ZNF714: variants seen among roughly 807,000 people sequenced by gnomAD.
ZNF714 encodes the protein zinc finger protein 714.
In ZNF714, 32 loss-of-function variants were observed where a neutral mutation model predicts 46.2. The observed-to-expected ratio is 0.69, with a 90% CI of 0.52 to 0.93. The LOEUF (loss-of-function observed/expected upper bound fraction) is 0.93, where lower values mean the gene tolerates loss of function less well. Among genes scored for constraint, ZNF714 ranks in the 40% least tolerant of loss-of-function variants. The pLI, the probability that ZNF714 is intolerant of heterozygous loss-of-function variation, is 0.00. For synonymous variants in ZNF714, 199 were observed against 213.1 expected (o/e 0.93, Z 0.58); for missense variants, 635 against 646.3 (o/e 0.98, Z 0.19).
intron 2 of ZNF714, among the ~76,000 whole-genome samples, chr19:21,094,291 C>T (rs2144835067): frequency 6.6e-6 from 1 of 152,280 alleles, no homozygotes; most frequent in South Asian, 2.1e-4. Context: ...GAGCCCAGCC[C>T]ATGTCTTTGT....
Position 21,123,500 on chromosome 19 carries a change from G to A in ZNF714, c.*5168G>A, listed in dbSNP as rs762997261. 6.6e-6 allele frequency among the ~76,000 whole-genome samples: 1 copy of A among 151,796 alleles called. No individual in the cohort carries two copies. Among genetic ancestry groups the A allele is most frequent in the Non-Finnish European group, 1.5e-5 (1 of 67,994 alleles). ...CTCCCGAGTAGCTGGGACTACAGGC[G>A]CCCGCTACCGCACCCGTCTAATTTT... On this transcript the variant is annotated 3_prime_UTR_variant, in exon 5 of 5. Coordinates refer to ENST00000456283, the MANE Select transcript of ZNF714 (RefSeq NM_182515.4).
Position 21,082,233 on chromosome 19 carries a change from C to T in ZNF714, c.-292C>T, listed in dbSNP as rs549275557. 222 of 1,147,622 alleles carry T rather than the reference C, an allele frequency of 1.9e-4. 2 individuals are homozygous for T. The highest frequency in any genetic ancestry group is 1.3e-3 in the South Asian group (103 of 80,378). The allele number at this position is 1,147,622 out of a possible 1,614,324, so 71.1% of individuals were successfully genotyped here. On this transcript the variant is annotated 5_prime_UTR_variant, in exon 1 of 5. Transcript: ENST00000456283. Reference sequence around the variant, plus strand: ...TCGCTGCAGCTGGAGCTGCAGGTCTCGCCTTCACTGCCCTGTGTCCTCTGC... The same window carrying T: ...TCGCTGCAGCTGGAGCTGCAGGTCTTGCCTTCACTGCCCTGTGTCCTCTGC...
Position 21,119,145 on chromosome 19 carries a change from C to G in ZNF714, c.*813C>G, listed in dbSNP as rs2144884658. ...TTTGACCAGGCGTGGTGGCTCAGGC[C>G]TATAATCCCAGCACTTTGGTAGGCC... On this transcript the variant is annotated 3_prime_UTR_variant, in exon 5 of 5. Transcript: ENST00000456283. 1 of 450,038 alleles carries G rather than the reference C, an allele frequency of 2.2e-6. No individual in the cohort carries two copies. The highest frequency in any genetic ancestry group is 1.6e-5 in the South Asian group (1 of 63,976). 27.9% of individuals were successfully genotyped at this position (450,038 alleles called of 1,614,324 possible).
intron 4 of ZNF714, among the ~76,000 whole-genome samples, chr19:21,109,947 A>G (rs1176603208): frequency 3.3e-5 from 5 of 152,178 alleles, no homozygotes; most frequent in African/African-American, 1.2e-4. Flanking sequence ...ATGGCTGCAT[A>G]GTAGTCTATG....
At chr19:21,106,458 A>G (rs919937025) in intron 4 of ZNF714, among the ~76,000 whole-genome samples, 2 of 150,412 alleles carry the variant, frequency 1.3e-5, no homozygotes, top group Non-Finnish European at 2.9e-5. Flanking sequence ...AATCCCAGCT[A>G]CTCAGGAGGC....
At chr19:21,087,183 C>G (rs10164375) in intron 2 of ZNF714, among the ~76,000 whole-genome samples, 137,408 of 146,428 alleles carry the variant, frequency 0.94, 64,516 homozygotes, top group Middle Eastern at 0.98. Flanking sequence ...ATCAACACAA[C>G]TTGATTGTCT....
intron 1 of ZNF714, among the ~76,000 whole-genome samples, chr19:21,082,567 T>G (rs8101412): frequency 0.74 from 112,744 of 151,898 alleles, 43,497 homozygotes; most frequent in Middle Eastern, 0.88. Flanking sequence ...GCGCAGTGAC[T>G]GGGCCCTGAC....
At chr19:21,105,522 C>G (rs1166244551) in intron 4 of ZNF714, among the ~76,000 whole-genome samples, 2 of 151,118 alleles carry the variant, frequency 1.3e-5, no homozygotes, top group Non-Finnish European at 3.0e-5. Context: ...TCTGTTCTTT[C>G]CTTTGTTGCA....
intron 1 of ZNF714, among the ~76,000 whole-genome samples, chr19:21,082,681 C>A (rs7246416): frequency 0.063 from 6,551 of 103,658 alleles, 488 homozygotes; most frequent in African/African-American, 0.19. Context: ...ACTCGGGGTG[C>A]GGGTTTATGA....
At chr19:21,090,438 C>G (rs1234249375) in intron 2 of ZNF714, among the ~76,000 whole-genome samples, 2 of 152,154 alleles carry the variant, frequency 1.3e-5, no homozygotes, top group African/African-American at 4.8e-5. Context: ...TCACCCATAG[C>G]CATCAGCAAA....
chr19:21,100,222 T>G (rs1290778458), intron 4 of ZNF714, among the ~76,000 whole-genome samples: 1 of 152,132 alleles, frequency 6.6e-6, no homozygotes, highest in Non-Finnish European at 1.5e-5. Flanking sequence ...ATATATTTCA[T>G]TGTAAAGATT....
chr19:21,083,981 G>C lies in ZNF714; in HGVS notation c.-173G>C. 1 of 1,289,588 alleles carries C rather than the reference G, an allele frequency of 7.8e-7. No homozygotes were observed. Among genetic ancestry groups the C allele is most frequent in the Non-Finnish European group, 1.0e-6 (1 of 990,034 alleles). 79.9% of individuals were successfully genotyped at this position (1,289,588 alleles called of 1,614,324 possible). ...TCTGGTTTATTTTCTTCCATAGGGC[G>C]ACCTGAGGTCTGGAGTGTATCCTCT... On this transcript the variant is annotated 5_prime_UTR_variant, in exon 2 of 5. Transcript: ENST00000456283.
At chr19:21,084,497 T>G (rs1368422137) in intron 2 of ZNF714, among the ~76,000 whole-genome samples, 1 of 151,940 alleles carries the variant, frequency 6.6e-6, no homozygotes, top group African/African-American at 2.4e-5. Context: ...TGGGTGCTTC[T>G]TGAGCACATA....
At chr19:21,084,245 TCAAG>T (rs1039026116) in intron 2 of ZNF714, among the ~76,000 whole-genome samples, 176 bp downstream of exon 2, 77 of 145,116 alleles carry the variant, frequency 5.3e-4, no homozygotes, top group African/African-American at 1.7e-3. Context: ...AAAAAAAAAA[TCAAG>T]CAAACAAACA....
intron 3 of ZNF714, 107 bp downstream of exon 3, chr19:21,098,418 G>C: frequency 7.3e-7 from 1 of 1,364,914 alleles, no homozygotes; most frequent in Non-Finnish European, 1.0e-6. Flanking sequence ...ATGAGTTTCT[G>C]ATCCCAGTTT....
intron 2 of ZNF714, among the ~76,000 whole-genome samples, chr19:21,092,574 A>G (rs1052059964): frequency 6.6e-6 from 1 of 150,550 alleles, no homozygotes; most frequent in Non-Finnish European, 1.5e-5. Context: ...CCACGCATGG[A>G]TTTTTTTTTT....
At position 21,093,532 on chromosome 19, in the gene ZNF714, G is replaced by T. The variant is rs530812308; in HGVS notation, c.-84-4653G>T. ...CAGGCTGAGCCACCACGCCCAGCTT[G>T]TTTTTTTTTGTTTTTGTTTTTTTGT... On this transcript the variant is annotated intron_variant, in intron 2 of 4. Transcript: ENST00000456283. 1.0e-3 allele frequency among the ~76,000 whole-genome samples: 155 copies of T among 150,506 alleles called. 1 individual carries two copies. Among genetic ancestry groups the T allele is most frequent in the African/African-American group, 3.2e-3 (133 of 41,030 alleles).
chr19:21,113,486 C>A (rs796605413), intron 4 of ZNF714, among the ~76,000 whole-genome samples: 2 of 146,716 alleles, frequency 1.4e-5, no homozygotes, highest in African/African-American at 5.0e-5. Flanking sequence ...AATTATGTTA[C>A]AATTTTTTTT....
At chr19:21,083,537 T>A (rs1007808435) in intron 1 of ZNF714, among the ~76,000 whole-genome samples, 1 of 152,176 alleles carries the variant, frequency 6.6e-6, no homozygotes, top group African/African-American at 2.4e-5. Context: ...AATTTCCAGT[T>A]CCTCCTGGCA....
Sources: gnomAD v4.1 joint callset for allele counts (sites outside exome capture counted in the v4.1 genomes callset) on GRCh38, gnomAD v4.1.1 for gene constraint, MANE v1.5 for transcripts, NCBI Gene and HGNC (gene_info 2026-07-23, HGNC 2026-07-21) for gene names.